The following GATA3 variants were observed in gnomAD, a reference collection of about 807,000 sequenced individuals.
GATA3 encodes GATA binding protein 3, also known as trans-acting T-cell-specific transcription factor GATA-3.
In GATA3, 6 loss-of-function variants were observed where a neutral mutation model predicts 36.0. The observed-to-expected ratio is 0.17, with a 90% CI of 0.09 to 0.33. GATA3 has a LOEUF of 0.33. Ranked by LOEUF, GATA3 falls within the 10% of genes least tolerant of loss-of-function variation. GATA3 has a pLI of 1.00. For synonymous variants in GATA3, 326 were observed against 273.0 expected, an observed-to-expected ratio of 1.19 and a Z score of -1.92; for missense variants, 514 against 610.1, an observed-to-expected ratio of 0.84 and a Z score of 1.66.
In GATA3 at chr10:8,058,489, G is replaced by C. The variant is rs200317918; in HGVS notation, c.426G>C (p.Ser142=). The C allele has an allele frequency of 2.5e-5, 40 of 1,611,810 alleles. No homozygotes were observed. The highest frequency in any genetic ancestry group is 3.4e-5 in the Non-Finnish European group (40 of 1,179,694). The change falls in exon 3 of 6, where the codon TCG becomes TCC. Residue 142 remains serine, a synonymous_variant. Coordinates refer to ENST00000379328, the MANE Select transcript of GATA3 (RefSeq NM_001002295.2). ...VYPPASSSSL[S]GGHASPHLFT... ...CCCCGGCCTCGTCCTCCTCCTTGTC[G>C]GGGGGCCACGCCAGCCCGCACCTCT...
At chr10:8,061,205 T>C in intron 3 of GATA3, among the ~76,000 whole-genome samples, 1 of 152,172 alleles carries the variant, frequency 6.6e-6, no homozygotes, top group East Asian at 1.9e-4. Context: ...AGGGCACCTA[T>C]TGCTGTCTTA....
chr10:8,048,567 G>T (rs1223987877), intron 1 of GATA3, among the ~76,000 whole-genome samples: 2 of 152,196 alleles, frequency 1.3e-5, no homozygotes, highest in African/African-American at 4.8e-5. Flanking sequence ...AGGGACGCCG[G>T]CTGGGCTGCC....
In GATA3 at chr10:8,058,582, C is replaced by A. The variant is rs919323449; in HGVS notation, c.519C>A (p.Ala173=). Residue 173 remains alanine (A), a synonymous_variant, in exon 3 of 6, where the codon GCC becomes GCA. Transcript: ENST00000379328. The part of the protein sequence containing the change: ...PDPSLSTPGS[A]GSARQDEKEC... ...CATCGCTGTCCACCCCAGGCTCGGC[C>A]GGCTCGGCCCGGCAGGACGAGAAAG... is the stretch of plus-strand genomic sequence containing the variant. 2 of 1,611,850 alleles carry A rather than the reference C, an allele frequency of 1.2e-6. No individual in the cohort carries two copies. Among genetic ancestry groups the A allele is most frequent in the Non-Finnish European group, 8.5e-7 (1 of 1,179,912 alleles).
Position 8,074,123 on chromosome 10 carries a change from G to C in GATA3, c.*100G>C. 7.3e-7 allele frequency: 1 copy of C among 1,369,874 alleles called. No individual in the cohort carries two copies. Among genetic ancestry groups the C allele is most frequent in the Non-Finnish European group, 9.9e-7 (1 of 1,005,108 alleles). 84.9% of individuals were successfully genotyped at this position (1,369,874 alleles called of 1,614,324 possible). On this transcript the variant is annotated 3_prime_UTR_variant, in exon 6 of 6. Coordinates refer to ENST00000379328, the MANE Select transcript of GATA3 (RefSeq NM_001002295.2). Reference sequence around the variant, plus strand: ...AGTATCATGAAGCCTAAACGCGATGGATATATGTTTTTGAAGGCAGAAAGC... The same window carrying C: ...AGTATCATGAAGCCTAAACGCGATGCATATATGTTTTTGAAGGCAGAAAGC...
At chr10:8,047,724 C>G (rs1397198155) in intron 1 of GATA3, among the ~76,000 whole-genome samples, 1 of 152,176 alleles carries the variant, frequency 6.6e-6, no homozygotes, top group Non-Finnish European at 1.5e-5. Flanking sequence ...CAGGCACATG[C>G]GTCTGGTTGC....
upstream of GATA3, among the ~76,000 whole-genome samples, chr10:8,054,397 G>A (rs1832577115): frequency 6.6e-6 from 1 of 152,172 alleles, no homozygotes. This position sits in a 1 kb window ranked among gnomAD's most constrained non-coding sequence, Gnocchi z 4.2. Flanking sequence ...ACATTTAAAG[G>A]GCCAGAGCGC....
At chr10:8,051,161 G>T, upstream of GATA3, 1 of 486,314 alleles carries the variant, frequency 2.1e-6, no homozygotes. Flanking sequence ...AGGGCGGGTG[G>T]GAGGGACTTG....
intron 4 of GATA3, among the ~76,000 whole-genome samples, chr10:8,067,341 T>A (rs547794293): frequency 7.6e-4 from 116 of 152,252 alleles, no homozygotes; most frequent in Non-Finnish European, 7.8e-4. Flanking sequence ...AGAATTTTTT[T>A]AAAAAGGTCA....
At chr10:8,069,362 C>A in intron 4 of GATA3, 111 bp from the exon 5 acceptor site, 1 of 1,146,490 alleles carries the variant, frequency 8.7e-7, no homozygotes, top group Non-Finnish European at 1.3e-6. Flanking sequence ...GTTTTGATTT[C>A]AATGATAATT....
chr10:8,074,635 G>C lies in GATA3; in HGVS notation c.*612G>C, dbSNP rs1058240. On this transcript the variant is annotated 3_prime_UTR_variant, in exon 6 of 6. Transcript: ENST00000379328. ...TCAGTGTTACCGTTCACCAGTTGCC[G>C]TTGAGGGTTTCAGAGAGCCTTTTTC... 4.3e-6 allele frequency: 1 copy of C among 233,646 alleles called. No individual in the cohort carries two copies. Among genetic ancestry groups the C allele is most frequent in the South Asian group, 1.8e-4 (1 of 5,534 alleles). 14.5% of individuals were successfully genotyped at this position (233,646 alleles called of 1,614,324 possible).
At chr10:8,046,125 C>T (rs1832383819) in intron 1 of GATA3, among the ~76,000 whole-genome samples, 1 of 152,120 alleles carries the variant, frequency 6.6e-6, no homozygotes, top group East Asian at 1.9e-4. Context: ...CCAGAGGGTG[C>T]CCAGGGGCAT....
rs544601267 is a variant in GATA3, at chr10:8,070,330, T to G, written c.1050+732T>G. Among the ~76,000 whole-genome samples the G allele has an allele frequency of 2.0e-5, 3 of 152,172 alleles. 1 individual carries two copies. In the South Asian group the frequency reaches 6.2e-4, roughly 32 times the overall value. On this transcript the variant is annotated intron_variant, in intron 5 of 5. Transcript: ENST00000379328. ...GTTGTGTCATTTCTGATCTTTCCATTTGGGGTCCTCTCATTTTGTAACATA... is the reference window on the plus strand; with the variant it reads ...GTTGTGTCATTTCTGATCTTTCCATGTGGGGTCCTCTCATTTTGTAACATA...
At chr10:8,058,972 A>G in intron 3 of GATA3, 131 bp downstream of exon 3, 1 of 820,244 alleles carries the variant, frequency 1.2e-6, no homozygotes. Context: ...CATTCTTCCC[A>G]TTCTTCCTGC....
At position 8,074,520 on chromosome 10, in the gene GATA3, AAG is replaced by A. The variant is rs1832984210; in HGVS notation, c.*501_*502del. On this transcript the variant is annotated 3_prime_UTR_variant, in exon 6 of 6. Transcript: ENST00000379328. The stretch of plus-strand genomic sequence containing the variant: ...TTAAAAGAAAATAAAAAAAAGAAAA[AAG>A]AGAAAAGAAAAAAAAAGAAAAAAGT... 1 of 234,656 alleles carries A rather than the reference AAG, an allele frequency of 4.3e-6. No homozygotes were observed. Among genetic ancestry groups the A allele is most frequent in the Non-Finnish European group, 8.4e-6 (1 of 119,156 alleles). The allele number at this position is 234,656 out of a possible 1,614,324, so 14.5% of individuals were successfully genotyped here. A position where few individuals can be genotyped will look rare whatever the true frequency, so the allele number is the denominator to read the frequency against.
intron 4 of GATA3, among the ~76,000 whole-genome samples, chr10:8,068,692 G>A (rs442681): frequency 0.04 from 6,066 of 152,304 alleles, 404 homozygotes; most frequent in African/African-American, 0.14. Context: ...GGTGGAGGTT[G>A]CAGTGAGCTG....
intron 3 of GATA3, among the ~76,000 whole-genome samples, chr10:8,063,091 TTG>T (rs1293344152): frequency 1.3e-5 from 2 of 152,174 alleles, no homozygotes; most frequent in African/African-American, 4.8e-5. Flanking sequence ...TTTTGTTTGT[TTG>T]TGTTTTTGGG....
Position 8,073,852 on chromosome 10 carries a change from G to T in GATA3, c.1164G>T (p.Lys388Asn), listed in dbSNP as rs2131521240. 3.7e-6 allele frequency: 6 copies of T among 1,614,106 alleles called. No individual in the cohort carries two copies. Among genetic ancestry groups the T allele is most frequent in the Non-Finnish European group, 5.1e-6 (6 of 1,180,030 alleles). The change falls in exon 6 of 6, where the codon AAG (lysine) becomes AAT (asparagine). Residue 388 changes from lysine to asparagine, a missense_variant. Transcript: ENST00000379328. Reference sequence around the variant, plus strand: ...ATGACTCACTGGAGGACTTCCCCAAGAACAGCTCGTTTAACCCGGCCGCCC... The same window carrying T: ...ATGACTCACTGGAGGACTTCCCCAATAACAGCTCGTTTAACCCGGCCGCCC... ...KVHDSLEDFP[K>N]NSSFNPAALS... is the part of the protein sequence containing the mutation.
intron 2 of GATA3, among the ~76,000 whole-genome samples, chr10:8,056,271 C>T (rs1387991320): frequency 6.6e-6 from 1 of 151,608 alleles, no homozygotes; most frequent in Non-Finnish European, 1.5e-5. Flanking sequence ...TCTCTGGGCC[C>T]GGTAGCCGGC....
chr10:8,059,028 C>T (rs545105042), intron 3 of GATA3, among the ~76,000 whole-genome samples, 187 bp downstream of exon 3: 5 of 152,252 alleles, frequency 3.3e-5, no homozygotes, highest in South Asian at 4.1e-4. Context: ...CGCCTGGCCT[C>T]GGAAGCAGAG....
Sources: gnomAD v4.1 joint callset for allele counts (sites outside exome capture counted in the v4.1 genomes callset) on GRCh38, gnomAD v4.1.1 for gene constraint, Gnocchi (gnomAD v3.1) non-coding constraint, MANE v1.5 for transcripts, NCBI Gene and HGNC (gene_info 2026-07-23, HGNC 2026-07-21) for gene names.